The following MCPH1 variants were observed in gnomAD, a reference collection of about 807,000 sequenced individuals.
The protein encoded by MCPH1 is microcephalin 1.
In MCPH1, 104 loss-of-function variants were observed where a neutral mutation model predicts 84.5. The observed-to-expected ratio is 1.23, with a 90% confidence interval of 1.05 to 1.45. The LOEUF is 1.45. Among genes scored for constraint, MCPH1 ranks in the 40% most tolerant of loss-of-function variants. The pLI is 0.00. For missense variants in MCPH1, 1,498 were observed against 1,005.7 expected, an observed-to-expected ratio of 1.49 and a Z score of -6.62; for synonymous variants, 514 against 366.8, an observed-to-expected ratio of 1.40 and a Z score of -4.58.
At chr8:6,618,078 A>T (rs1050618846) in intron 12 of MCPH1, among the ~76,000 whole-genome samples, 1 of 152,178 alleles carries the variant, frequency 6.6e-6, no homozygotes, top group Admixed American at 6.5e-5. Context: ...AGCTGAAGTT[A>T]GAGTTTAGAG....
chr8:6,636,269 G>C (rs1252545905), intron 13 of MCPH1, among the ~76,000 whole-genome samples: 1 of 151,772 alleles, frequency 6.6e-6, no homozygotes, highest in Non-Finnish European at 1.5e-5. Context: ...GAGCCTGGGA[G>C]GTAGAGATTG....
chr8:6,425,693 C>A (rs1345224084), intron 3 of MCPH1, among the ~76,000 whole-genome samples: 1 of 152,240 alleles, frequency 6.6e-6, no homozygotes, highest in East Asian at 1.9e-4. Flanking sequence ...CTTCCTTAAA[C>A]TGCTAACTTA....
rs2916747 is a variant in MCPH1, at chr8:6,513,770, A to G, written c.2214+13841A>G. On this transcript the variant is annotated intron_variant, in intron 12 of 13. Coordinates refer to ENST00000344683, the MANE Select transcript of MCPH1 (RefSeq NM_024596.5). ...AGTCTTTAAGGTGTATTTTAAGCAC[A>G]TAGCGTTGCTGATTAGTCAGTTGCG... 100,333 of 1,613,684 alleles carry G rather than the reference A, an allele frequency of 0.062. 6,792 individuals are homozygous for G. The highest frequency in any genetic ancestry group is 0.32 in the African/African-American group (24,260 of 74,950).
intron 8 of MCPH1, 184 bp downstream of exon 8, chr8:6,445,731 TG>T: frequency 7.1e-7 from 1 of 1,402,686 alleles, no homozygotes; most frequent in South Asian, 1.7e-5. Context: ...TGCTGTCTTG[TG>T]GAACTTCTAG....
chr8:6,528,180 T>G (rs1818747890), intron 12 of MCPH1, among the ~76,000 whole-genome samples: 1 of 152,154 alleles, frequency 6.6e-6, no homozygotes, highest in South Asian at 2.1e-4. Context: ...TTACAGGCAT[T>G]AGCCACTGCA....
chr8:6,604,220 A>G (rs926675796), intron 12 of MCPH1, among the ~76,000 whole-genome samples: 22 of 151,584 alleles, frequency 1.5e-4, no homozygotes, highest in African/African-American at 3.9e-4. Context: ...CAGCCCCTCC[A>G]TGGAGCCATC....
chr8:6,503,130 T>C lies in MCPH1; in HGVS notation c.2214+3201T>C, dbSNP rs758708750. The C allele has an allele frequency of 1.9e-6, 3 of 1,614,216 alleles. No homozygotes were observed. The Admixed American group carries it at 5.0e-5, about 27-fold the overall frequency. ...AAATCTGCTGGTCGGATCATCATGG[T>C]TGTGGCCTTGAGCGAATAGCCTGAG... On this transcript the variant is annotated intron_variant, in intron 12 of 13. Transcript: ENST00000344683.
intron 12 of MCPH1, among the ~76,000 whole-genome samples, chr8:6,521,856 C>G (rs1339480845): frequency 6.6e-6 from 1 of 152,126 alleles, no homozygotes; most frequent in Non-Finnish European, 1.5e-5. Context: ...AATATTAATC[C>G]TAATGATAAT....
intron 1 of MCPH1, 97 bp downstream of exon 1, chr8:6,406,786 G>A (rs1486860813): frequency 1.5e-6 from 2 of 1,363,530 alleles, no homozygotes; most frequent in African/African-American, 1.4e-5. Flanking sequence ...GAGGAGCCCC[G>A]CTCGCCCCTC....
chr8:6,445,117 C>CA lies in MCPH1; in HGVS notation c.1402dup (p.Thr468AsnfsTer5), dbSNP rs768835889. The stretch of plus-strand genomic sequence containing the variant: ...AAATGTCTGATTTTTCCTGCGTTGG[C>CA]AAAAAAACCAGAACAGTTGACATTA... On this transcript the variant is annotated frameshift_variant, in exon 8 of 14. Transcript: ENST00000344683. LOFTEE classifies it high-confidence loss of function. 16 of 1,614,050 alleles carry CA rather than the reference C, an allele frequency of 9.9e-6. No individual in the cohort carries two copies. Among genetic ancestry groups the CA allele is most frequent in the South Asian group, 7.7e-5 (7 of 91,066 alleles).
intron 12 of MCPH1, among the ~76,000 whole-genome samples, chr8:6,540,305 G>C (rs961546923): frequency 6.6e-6 from 1 of 152,100 alleles, no homozygotes; most frequent in Non-Finnish European, 1.5e-5. Context: ...CCTTCAAAAT[G>C]TTCCATTTAT....
chr8:6,479,153 A>G lies in MCPH1; in HGVS notation c.1973+1522A>G, dbSNP rs1808855243. The stretch of plus-strand genomic sequence containing the variant: ...TGGTGGTGAATTGCCTATAGTCCCA[A>G]CTACTTGGGAGGATAAGGCAGGAGG... On this transcript the variant is annotated intron_variant, in intron 10 of 13. Transcript: ENST00000344683. Among the ~76,000 whole-genome samples, 5 of 152,046 alleles carry G rather than the reference A, an allele frequency of 3.3e-5. No homozygotes were observed. In the South Asian group the frequency reaches 8.3e-4, roughly 25 times the overall value.
intron 11 of MCPH1, among the ~76,000 whole-genome samples, chr8:6,496,009 G>A (rs1331248220): frequency 6.6e-6 from 1 of 152,200 alleles, no homozygotes; most frequent in Non-Finnish European, 1.5e-5. Flanking sequence ...GGGGTTGGGA[G>A]GGTGAGGGAG....
intron 13 of MCPH1, among the ~76,000 whole-genome samples, chr8:6,637,453 T>C (rs1237772211): frequency 6.6e-6 from 1 of 151,930 alleles, no homozygotes; most frequent in Non-Finnish European, 1.5e-5. Context: ...AAGTTTAGCG[T>C]GGCTGAAATG....
intron 12 of MCPH1, among the ~76,000 whole-genome samples, chr8:6,528,834 G>A (rs1368463027): frequency 4.6e-5 from 7 of 152,234 alleles, no homozygotes; most frequent in African/African-American, 1.4e-4. Context: ...GGTCCACAGC[G>A]TGGGTTTCAG....
intron 12 of MCPH1, chr8:6,521,270 G>C (rs1319667380): frequency 6.2e-7 from 1 of 1,613,782 alleles, no homozygotes; most frequent in Non-Finnish European, 8.5e-7. Context: ...CACCGTGGCA[G>C]TCACTATTTT....
At chr8:6,467,827 G>A (rs745841293) in intron 9 of MCPH1, among the ~76,000 whole-genome samples, 4 of 152,094 alleles carry the variant, frequency 2.6e-5, no homozygotes, top group Non-Finnish European at 5.9e-5. Context: ...TGAACTCTTG[G>A]CCTCAAACCA....
chr8:6,474,782 C>T (rs534614562), intron 9 of MCPH1, among the ~76,000 whole-genome samples: 16 of 152,032 alleles, frequency 1.1e-4, no homozygotes, highest in Admixed American at 7.9e-4. Flanking sequence ...GGAGGATTGC[C>T]GAGGGCAGGT....
At chr8:6,618,740 G>A (rs1271091908) in intron 12 of MCPH1, 1 of 152,126 alleles carries the variant, frequency 6.6e-6, no homozygotes, top group Admixed American at 6.5e-5. Context: ...TGGGCTTCTA[G>A]AAACAAAAAC....
Sources: allele counts gnomAD v4.1 joint callset (sites outside exome capture counted in the v4.1 genomes callset), GRCh38; gene constraint gnomAD v4.1.1; transcripts MANE v1.5; gene names NCBI Gene and HGNC (gene_info 2026-07-23, HGNC 2026-07-21).